Variants in DOK6 observed in about 807,000 individuals in gnomAD.
The protein encoded by DOK6 is downstream of tyrosine kinase 6.
A neutral mutation model predicts 44.0 loss-of-function variants in DOK6; 22 were observed. That is an observed-to-expected ratio of 0.50 (90% CI 0.36 to 0.71). The LOEUF is 0.71. DOK6 is among the 30% of genes least tolerant of loss of function. The probability of loss-of-function intolerance (pLI) is 0.00; values close to 1 mark genes in which losing one functional copy is unlikely to be tolerated. For synonymous variants in DOK6, 166 were observed against 145.5 expected (o/e 1.14, Z -1.01); for missense variants, 340 against 416.4 (o/e 0.82, Z 1.60).
chr18:69,839,189 C>T (rs556610230), intron 7 of DOK6, among the ~76,000 whole-genome samples: 133 of 150,250 alleles, frequency 8.9e-4, no homozygotes, highest in Non-Finnish European at 1.8e-3. Flanking sequence ...AGCTTCTCCC[C>T]GAGCCTCATC....
At chr18:69,647,073 C>CT (rs759197431) in intron 3 of DOK6, among the ~76,000 whole-genome samples, 4,186 of 123,056 alleles carry the variant, frequency 0.034, 134 homozygotes, top group East Asian at 0.17. Context: ...CTGTCTATCC[C>CT]ATCTGTCTAT....
chr18:69,546,681 A>G (rs1215672517), intron 1 of DOK6, among the ~76,000 whole-genome samples: 1 of 151,616 alleles, frequency 6.6e-6, no homozygotes, highest in African/African-American at 2.4e-5. Flanking sequence ...TTATTGGTAC[A>G]TAATATTTTG....
chr18:69,553,816 C>T (rs1029744792), intron 1 of DOK6, among the ~76,000 whole-genome samples: 8 of 152,170 alleles, frequency 5.3e-5, no homozygotes, highest in African/African-American at 1.9e-4. Flanking sequence ...GAAACTTGAG[C>T]ACCTTAGATG....
At chr18:69,694,089 A>AAAAAAAAAAAAAAAAAAAT (rs1372739323) in intron 4 of DOK6, among the ~76,000 whole-genome samples, 10 of 144,242 alleles carry the variant, frequency 6.9e-5, no homozygotes, top group South Asian at 2.2e-4. Context: ...AAAAAAAAAA[A>AAAAAAAAAAAAAAAAAAAT]ATTGATCTAT....
chr18:69,692,723 T>G (rs1986295396), intron 4 of DOK6, among the ~76,000 whole-genome samples: 1 of 152,220 alleles, frequency 6.6e-6, no homozygotes, highest in Admixed American at 6.5e-5. Flanking sequence ...GTGACTCTAG[T>G]TATGTACATT....
rs369271367 is a variant in DOK6, at chr18:69,596,151, C to G, written c.175-3233C>G. 7.2e-5 allele frequency among the ~76,000 whole-genome samples: 11 copies of G among 152,112 alleles called. No individual in the cohort carries two copies. The East Asian group carries it at 1.9e-3, about 27-fold the overall frequency. The stretch of plus-strand genomic sequence containing the variant: ...CTGGAACATAGACACCTGGGAGGAG[C>G]CCATCTGGATTTAGAACCAATGTAA... On this transcript the variant is annotated intron_variant, in intron 2 of 7. Coordinates refer to ENST00000382713, the MANE Select transcript of DOK6 (RefSeq NM_152721.6).
chr18:69,780,867 G>T (rs558994637), intron 7 of DOK6, among the ~76,000 whole-genome samples: 1 of 152,206 alleles, frequency 6.6e-6, no homozygotes, highest in East Asian at 1.9e-4. Flanking sequence ...CTGTGTTTCC[G>T]TTCTCTTTGT....
chr18:69,673,310 TTA>T (rs1377234870), intron 3 of DOK6, among the ~76,000 whole-genome samples: 5 of 152,192 alleles, frequency 3.3e-5, no homozygotes, highest in African/African-American at 1.2e-4. Flanking sequence ...TTTAATGTCA[TTA>T]TCTTAAGGGC....
At chr18:69,529,298 C>T (rs187206418) in intron 1 of DOK6, among the ~76,000 whole-genome samples, 94 of 152,216 alleles carry the variant, frequency 6.2e-4, no homozygotes, top group African/African-American at 1.9e-3. Context: ...ACCAAGAATT[C>T]TTTTCATTGC....
At chr18:69,807,974 T>C (rs916866363) in intron 7 of DOK6, among the ~76,000 whole-genome samples, 6 of 151,808 alleles carry the variant, frequency 4.0e-5, no homozygotes, top group Non-Finnish European at 5.9e-5. Context: ...AAGCATTCCA[T>C]ACAATAGCAG....
At position 69,599,329 on chromosome 18, in the gene DOK6, T is replaced by G. The variant is rs142714232; in HGVS notation, c.175-55T>G. On this transcript the variant is annotated intron_variant, in intron 2 of 7. Transcript: ENST00000382713. Reference sequence around the variant, plus strand: ...ATAACTTATCATTTTGTTTCAGCACTCCAACATACAGCATACATACTGTAC... The same window carrying G: ...ATAACTTATCATTTTGTTTCAGCACGCCAACATACAGCATACATACTGTAC... 8.9e-5 allele frequency: 112 copies of G among 1,258,804 alleles called. No homozygotes were observed. The African/African-American group carries it at 1.3e-3, about 15-fold the overall frequency. 78.0% of individuals were successfully genotyped at this position (1,258,804 alleles called of 1,614,324 possible). A position where few individuals can be genotyped will look rare whatever the true frequency, so the allele number is the denominator to read the frequency against.
chr18:69,604,976 G>A (rs1366467291), intron 3 of DOK6, among the ~76,000 whole-genome samples: 2 of 151,576 alleles, frequency 1.3e-5, no homozygotes, highest in African/African-American at 2.4e-5. Context: ...AATGAGTGTC[G>A]CTTCTCCTTG....
Position 69,603,770 on chromosome 18 carries a change from C to CAAA in DOK6, c.289+4296_289+4298dup, listed in dbSNP as rs55654660. On this transcript the variant is annotated intron_variant, in intron 3 of 7. Coordinates refer to ENST00000382713, the MANE Select transcript of DOK6 (RefSeq NM_152721.6). ...TGGGCGACAGAGCGAGACTCCGTCT[C>CAAA]AAAAAAAAAAAAAAAAAAAAAAAAA... Among the ~76,000 whole-genome samples, 17 of 74,346 alleles carry CAAA rather than the reference C, an allele frequency of 2.3e-4. 1 individual carries two copies. Among genetic ancestry groups the CAAA allele is most frequent in the Non-Finnish European group, 1.7e-4 (7 of 41,574 alleles). The allele number at this position is 74,346 out of a possible 152,430, so 48.8% of individuals were successfully genotyped here. A position where few individuals can be genotyped will look rare whatever the true frequency, so the allele number is the denominator to read the frequency against.
At chr18:69,513,944 G>A (rs181189052) in intron 1 of DOK6, among the ~76,000 whole-genome samples, 1 of 151,966 alleles carries the variant, frequency 6.6e-6, no homozygotes, top group East Asian at 1.9e-4. Flanking sequence ...ATCTCGTAAG[G>A]TTTAAAATAC....
chr18:69,846,758 CATT>C lies in DOK6; in HGVS notation c.*5379_*5381del, dbSNP rs1982352688. The stretch of plus-strand genomic sequence containing the variant: ...ATCACTTTCTAGCACTTTACGGTGT[CATT>C]ATTTATGGCATTTTTAACAACTTTG... On this transcript the variant is annotated 3_prime_UTR_variant, in exon 8 of 8. Transcript: ENST00000382713. The C allele has an allele frequency of 6.6e-6, 1 of 152,118 alleles. No individual in the cohort carries two copies. The highest frequency in any genetic ancestry group is 1.5e-5 in the Non-Finnish European group (1 of 68,004). The allele number at this position is 152,118 out of a possible 1,614,324, so 9.4% of individuals were successfully genotyped here.
intron 3 of DOK6, among the ~76,000 whole-genome samples, chr18:69,600,046 T>C (rs924225811): frequency 1.3e-5 from 2 of 152,212 alleles, no homozygotes; most frequent in Non-Finnish European, 2.9e-5. Flanking sequence ...TTGCAGTATT[T>C]TTCATGTTGG....
At chr18:69,637,836 CA>C (rs1395812383) in intron 3 of DOK6, among the ~76,000 whole-genome samples, 1 of 150,738 alleles carries the variant, frequency 6.6e-6, no homozygotes, top group Admixed American at 6.6e-5. Flanking sequence ...ATACTTTGAG[CA>C]AAAAAATCAA....
intron 1 of DOK6, among the ~76,000 whole-genome samples, chr18:69,510,524 C>CAG (rs1981336938): frequency 1.1e-5 from 1 of 87,956 alleles, no homozygotes; most frequent in Non-Finnish European, 2.7e-5. Context: ...ATTTAAATAC[C>CAG]AAACAGAGCG....
At chr18:69,598,423 A>G (rs1251664547) in intron 2 of DOK6, among the ~76,000 whole-genome samples, 1 of 152,050 alleles carries the variant, frequency 6.6e-6, no homozygotes, top group Non-Finnish European at 1.5e-5. Flanking sequence ...TGAATTTATT[A>G]TAAGATCATA....
Sources: allele counts gnomAD v4.1 joint callset (sites outside exome capture counted in the v4.1 genomes callset), GRCh38; gene constraint gnomAD v4.1.1; transcripts MANE v1.5; gene names NCBI Gene and HGNC (gene_info 2026-07-23, HGNC 2026-07-21).